Variants in INVS observed in about 807,000 individuals in gnomAD.
INVS encodes inversin, also known as inversion of embryo turning homolog.
In INVS, 86 loss-of-function variants were observed where a neutral mutation model predicts 108.8. The ratio of observed to expected loss-of-function variants is 0.79; its 90% CI spans 0.66 to 0.95. INVS has a LOEUF of 0.95. INVS is among the 40% of genes least tolerant of loss of function. INVS has a pLI of 0.00. For synonymous variants in INVS, 455 were observed against 473.5 expected (o/e 0.96, Z 0.51); for missense variants, 1,169 against 1,297.4 (o/e 0.90, Z 1.52).
rs951635862 is a variant in INVS, at chr9:100,300,927, G to A, written c.*253G>A. ...GACTATGTCTGTGCAAAGTGCCTGA[G>A]TGTCTGCTTTCACCTCAGTCTGTAC... On this transcript the variant is annotated 3_prime_UTR_variant, in exon 17 of 17. Coordinates refer to ENST00000262457, the MANE Select transcript of INVS (RefSeq NM_014425.5). 3.8e-6 allele frequency: 2 copies of A among 527,152 alleles called. No individual in the cohort carries two copies. Among genetic ancestry groups the A allele is most frequent in the South Asian group, 4.2e-5 (2 of 48,002 alleles). 32.7% of individuals were successfully genotyped at this position (527,152 alleles called of 1,614,324 possible).
At position 100,242,598 on chromosome 9, in the gene INVS, A is replaced by G. The variant is rs1187824370; in HGVS notation, c.825A>G (p.Leu275=). 2 of 1,609,674 alleles carry G rather than the reference A, an allele frequency of 1.2e-6. No homozygotes were observed. The highest frequency in any genetic ancestry group is 1.7e-6 in the Non-Finnish European group (2 of 1,176,070). ...ATGCACAGATTGTCCATCTCCTTTT[A>G]GAAAGAAATAAGTCTGGAACTATCC... ...LGHAQIVHLL[L]ERNKSGTIPS... is the part of the protein sequence containing the mutation. Residue 275 remains leucine, a synonymous_variant, in exon 7 of 17, where the codon TTA becomes TTG. Transcript: ENST00000262457.
chr9:100,262,957 C>T (rs1401992542), intron 10 of INVS, among the ~76,000 whole-genome samples: 1 of 152,002 alleles, frequency 6.6e-6, no homozygotes, highest in African/African-American at 2.4e-5. Flanking sequence ...CCATGTTGCC[C>T]ACGGCTGTTC....
At chr9:100,134,459 G>A (rs1471507275) in intron 3 of INVS, among the ~76,000 whole-genome samples, 2 of 152,118 alleles carry the variant, frequency 1.3e-5, no homozygotes, top group South Asian at 2.1e-4. Context: ...GGTAGATACC[G>A]AGTAATGGGA....
At position 100,297,553 on chromosome 9, in the gene INVS, G is replaced by A. The variant is rs151295205; in HGVS notation, c.3017-383G>A. 9.8e-3 allele frequency among the ~76,000 whole-genome samples: 1,490 copies of A among 152,228 alleles called. 61 individuals are homozygous for A. The highest frequency in any genetic ancestry group is 0.062 in the Admixed American group (953 of 15,306). On this transcript the variant is annotated intron_variant, in intron 15 of 16. Transcript: ENST00000262457. ...TTTTCCTATGCTGAGATGTTATAGG[G>A]TTGCCCACTATGAGAATGCTCAACA...
At chr9:100,158,145 T>C (rs1294233608) in intron 3 of INVS, among the ~76,000 whole-genome samples, 1 of 152,184 alleles carries the variant, frequency 6.6e-6, no homozygotes, top group Non-Finnish European at 1.5e-5. Context: ...AGTTTTTCTT[T>C]CCTCTTAGTA....
chr9:100,136,588 T>C (rs1448790810), intron 3 of INVS, among the ~76,000 whole-genome samples: 1 of 152,222 alleles, frequency 6.6e-6, no homozygotes, highest in Non-Finnish European at 1.5e-5. Flanking sequence ...ACAAGGTCTA[T>C]ACATTGTATT....
chr9:100,294,787 G>A (rs1833739308), intron 14 of INVS, among the ~76,000 whole-genome samples: 1 of 152,148 alleles, frequency 6.6e-6, no homozygotes, highest in African/African-American at 2.4e-5. Flanking sequence ...CCAGGAGAAG[G>A]GTGATGTTAC....
At chr9:100,258,482 G>T (rs1319425798) in intron 10 of INVS, among the ~76,000 whole-genome samples, 1 of 152,192 alleles carries the variant, frequency 6.6e-6, no homozygotes, top group African/African-American at 2.4e-5. Flanking sequence ...AAGGAGAAGA[G>T]GCACTCTGAT....
intron 12 of INVS, among the ~76,000 whole-genome samples, chr9:100,273,970 AT>A (rs1045730139): frequency 6.6e-6 from 1 of 152,154 alleles, no homozygotes; most frequent in Non-Finnish European, 1.5e-5. Flanking sequence ...AAAAAGCAAA[AT>A]CCCCCCTGCC....
intron 12 of INVS, among the ~76,000 whole-genome samples, chr9:100,274,876 T>C (rs1833070043): frequency 6.6e-6 from 1 of 152,154 alleles, no homozygotes; most frequent in Non-Finnish European, 1.5e-5. Context: ...CTTCTAACTC[T>C]TAAATCCTAC....
intron 5 of INVS, among the ~76,000 whole-genome samples, chr9:100,233,490 GA>G (rs1294793339): frequency 3.9e-5 from 6 of 152,142 alleles, no homozygotes; most frequent in Admixed American, 2.6e-4. Context: ...AATTCATTAT[GA>G]TATTGGCTGT....
intron 4 of INVS, among the ~76,000 whole-genome samples, chr9:100,228,857 C>T (rs1051506590): frequency 7.2e-5 from 11 of 152,178 alleles, no homozygotes; most frequent in Admixed American, 2.6e-4. Context: ...CTCCCTTGTT[C>T]AAAGGAAATA....
At chr9:100,270,200 T>C (rs1341065171) in intron 11 of INVS, among the ~76,000 whole-genome samples, 1 of 152,116 alleles carries the variant, frequency 6.6e-6, no homozygotes, top group Non-Finnish European at 1.5e-5. Flanking sequence ...AAAAAGGAAA[T>C]TGTATCTCCC....
At chr9:100,224,623 C>CTT (rs796982619) in intron 3 of INVS, among the ~76,000 whole-genome samples, 3 of 147,148 alleles carry the variant, frequency 2.0e-5, no homozygotes, top group African/African-American at 7.4e-5. Context: ...GCTTCTTTCT[C>CTT]TTTTTTTTTT....
At chr9:100,218,756 G>A (rs1831060572) in intron 3 of INVS, among the ~76,000 whole-genome samples, 1 of 152,152 alleles carries the variant, frequency 6.6e-6, no homozygotes, top group East Asian at 1.9e-4. Context: ...AGCTTTATAG[G>A]AAGCTGTTTA....
chr9:100,104,686 T>A, intron 2 of INVS, 59 bp downstream of exon 2: 3 of 1,138,324 alleles, frequency 2.6e-6, no homozygotes, highest in Non-Finnish European at 2.7e-6. Flanking sequence ...TGAGGAAGTT[T>A]GTTAATGTTA....
chr9:100,180,053 G>A (rs1829836241), intron 3 of INVS, among the ~76,000 whole-genome samples: 1 of 152,118 alleles, frequency 6.6e-6, no homozygotes, highest in South Asian at 2.1e-4. Flanking sequence ...GGTAAATAAT[G>A]AAATTAAGGT....
chr9:100,112,703 T>C (rs1827378834), intron 2 of INVS, among the ~76,000 whole-genome samples: 1 of 151,336 alleles, frequency 6.6e-6, no homozygotes, highest in Non-Finnish European at 1.5e-5. Context: ...AATCTCATAA[T>C]GTTTTAAGAA....
rs1828682721 is a variant in INVS, at chr9:100,148,085, A to C, written c.273+21536A>C. ...CGTGCACCTGTAATCCCAGCTTCTCAGGAGGTTAAGTCCAGGAGTTTGAGG... is the reference window on the plus strand; with the variant it reads ...CGTGCACCTGTAATCCCAGCTTCTCCGGAGGTTAAGTCCAGGAGTTTGAGG... On this transcript the variant is annotated intron_variant, in intron 3 of 16. Coordinates refer to ENST00000262457, the MANE Select transcript of INVS (RefSeq NM_014425.5). Among the ~76,000 whole-genome samples the C allele has an allele frequency of 2.6e-5, 4 of 151,860 alleles. No individual in the cohort carries two copies. The South Asian group carries it at 8.4e-4, about 32-fold the overall frequency.
Sources: gnomAD v4.1 joint callset for allele counts (sites outside exome capture counted in the v4.1 genomes callset) on GRCh38, gnomAD v4.1.1 for gene constraint, MANE v1.5 for transcripts, NCBI Gene and HGNC (gene_info 2026-07-23, HGNC 2026-07-21) for gene names.